NBEA: variants seen among roughly 807,000 people sequenced by gnomAD.
The protein encoded by NBEA is lysosomal-trafficking regulator 2.
NBEA carries 44 observed loss-of-function variants against 343.4 expected under a neutral mutation model. The observed-to-expected ratio is 0.13, with a 90% CI of 0.10 to 0.16. The LOEUF is 0.16. Among genes scored for constraint, NBEA ranks in the 10% least tolerant of loss-of-function variants. NBEA has a pLI of 1.00. For missense variants in NBEA, 2,555 were observed against 3,631.3 expected, an observed-to-expected ratio of 0.70 and a Z score of 7.62; for synonymous variants, 1,175 against 1,238.7, an observed-to-expected ratio of 0.95 and a Z score of 1.08.
chr13:35,018,304 G>T (rs1245204269), intron 1 of NBEA, among the ~76,000 whole-genome samples: 1 of 152,076 alleles, frequency 6.6e-6, no homozygotes, highest in Non-Finnish European at 1.5e-5. Context: ...GCACAATTTT[G>T]ATTAGGATGG....
chr13:35,581,959 A>T (rs955018213), intron 45 of NBEA, among the ~76,000 whole-genome samples: 16 of 152,044 alleles, frequency 1.1e-4, no homozygotes. Context: ...CATCTAGTAA[A>T]GTATAAAATA....
chr13:35,031,649 CT>C (rs924780569), intron 1 of NBEA, among the ~76,000 whole-genome samples: 73 of 150,450 alleles, frequency 4.9e-4, no homozygotes, highest in Non-Finnish European at 4.2e-4. Context: ...TAGACAGGAA[CT>C]TTTTTTTTCA....
At chr13:35,658,663 A>G (rs535892717) in intron 55 of NBEA, among the ~76,000 whole-genome samples, 20 of 152,320 alleles carry the variant, frequency 1.3e-4, no homozygotes, top group African/African-American at 4.6e-4. Flanking sequence ...ATTTTGTACC[A>G]TACTTTAAGG....
chr13:34,964,705 T>A (rs1259039529), intron 1 of NBEA, among the ~76,000 whole-genome samples: 2 of 151,934 alleles, frequency 1.3e-5, no homozygotes, highest in Non-Finnish European at 2.9e-5. Flanking sequence ...TTTTGCTAAG[T>A]GGAGCTTAAA....
intron 18 of NBEA, among the ~76,000 whole-genome samples, chr13:35,146,215 A>G (rs2068412040): frequency 1.3e-5 from 2 of 152,138 alleles, no homozygotes; most frequent in Admixed American, 1.3e-4. Context: ...TGGCCAGGAA[A>G]TCCCATTCCA....
chr13:35,308,466 ATATATATG>A (rs1204127499), intron 35 of NBEA, among the ~76,000 whole-genome samples: 72 of 112,130 alleles, frequency 6.4e-4, no homozygotes, highest in Middle Eastern at 4.7e-3. Flanking sequence ...ATATATATAT[ATATATATG>A]TATATATATA....
At chr13:35,002,251 G>T (rs2061166621) in intron 1 of NBEA, among the ~76,000 whole-genome samples, 3 of 152,090 alleles carry the variant, frequency 2.0e-5, no homozygotes, top group Admixed American at 1.3e-4. Context: ...AGAGAATAGG[G>T]GTTCCCTGGG....
intron 40 of NBEA, among the ~76,000 whole-genome samples, chr13:35,470,380 T>A (rs1170712436): frequency 6.6e-6 from 1 of 152,146 alleles, no homozygotes; most frequent in Non-Finnish European, 1.5e-5. Context: ...ACGATCTTTT[T>A]TTTTTCATGT....
At chr13:35,255,180 C>T (rs2032445035) in intron 34 of NBEA, among the ~76,000 whole-genome samples, 1 of 152,200 alleles carries the variant, frequency 6.6e-6, no homozygotes, top group Admixed American at 6.5e-5. Context: ...TTTTTCCCCA[C>T]TGAATGGTTA....
intron 8 of NBEA, among the ~76,000 whole-genome samples, chr13:35,068,388 C>G (rs888506138): frequency 3.3e-5 from 5 of 151,868 alleles, no homozygotes; most frequent in African/African-American, 1.2e-4. Flanking sequence ...AAAATGAAAG[C>G]AAGAGTTTTG....
chr13:35,512,268 G>A (rs185899725), intron 41 of NBEA, among the ~76,000 whole-genome samples: 14 of 152,272 alleles, frequency 9.2e-5, no homozygotes, highest in African/African-American at 3.4e-4. Context: ...ATTACCTGAT[G>A]GTTGAAGGGT....
intron 34 of NBEA, among the ~76,000 whole-genome samples, chr13:35,259,837 G>T (rs547403448): frequency 2.9e-4 from 44 of 152,108 alleles, no homozygotes; most frequent in African/African-American, 1.0e-3. Flanking sequence ...TCAAGATTTT[G>T]TGTTACAACA....
chr13:34,975,282 A>G (rs192520758), intron 1 of NBEA, among the ~76,000 whole-genome samples: 117 of 152,332 alleles, frequency 7.7e-4, no homozygotes, highest in Non-Finnish European at 2.4e-4. Context: ...GACCAATGGA[A>G]CAGAATAGAG....
chr13:35,027,057 A>G (rs1295453638), intron 1 of NBEA, among the ~76,000 whole-genome samples: 1 of 152,040 alleles, frequency 6.6e-6, no homozygotes, highest in Non-Finnish European at 1.5e-5. Context: ...ATATTTATCC[A>G]GGTTGTTGTG....
intron 38 of NBEA, among the ~76,000 whole-genome samples, chr13:35,425,745 G>A (rs2044623096): frequency 6.6e-6 from 1 of 152,088 alleles, no homozygotes; most frequent in Non-Finnish European, 1.5e-5. Context: ...TTGACAGTGG[G>A]GTGTGAAAGT....
intron 36 of NBEA, among the ~76,000 whole-genome samples, chr13:35,323,709 TATA>T: frequency 6.6e-6 from 1 of 151,850 alleles, no homozygotes; most frequent in East Asian, 1.9e-4. Flanking sequence ...AAACTTAAAG[TATA>T]ATAATAAATA....
intron 11 of NBEA, among the ~76,000 whole-genome samples, chr13:35,099,941 A>G (rs1338874428): frequency 6.6e-6 from 1 of 152,136 alleles, no homozygotes; most frequent in African/African-American, 2.4e-5. Flanking sequence ...GCACTCTCTG[A>G]CCTTTTCTTA....
intron 49 of NBEA, among the ~76,000 whole-genome samples, chr13:35,631,343 G>A (rs1039697923): frequency 6.6e-6 from 1 of 152,022 alleles, no homozygotes; most frequent in African/African-American, 2.4e-5. Context: ...GCTGTGTTGC[G>A]ACTTGAGAGA....
chr13:35,137,236 G>A (rs552927016), intron 17 of NBEA, among the ~76,000 whole-genome samples: 1 of 152,102 alleles, frequency 6.6e-6, no homozygotes, highest in Non-Finnish European at 1.5e-5. Flanking sequence ...GGATCCCTTG[G>A]TCAGGAGATC....
Sources: gnomAD v4.1 joint callset for allele counts (sites outside exome capture counted in the v4.1 genomes callset) on GRCh38, gnomAD v4.1.1 for gene constraint, MANE v1.5 for transcripts, NCBI Gene and HGNC (gene_info 2026-07-23, HGNC 2026-07-21) for gene names.